The following ASCC3 variants were observed in gnomAD, a reference collection of about 807,000 sequenced individuals.
ASCC3 encodes activating signal cointegrator 1 complex subunit 3, also known as ASC-1 complex subunit P200.
In ASCC3, 158 loss-of-function variants were observed where a neutral mutation model predicts 256.3. The observed-to-expected ratio is 0.62, with a 90% confidence interval of 0.54 to 0.70. The LOEUF (loss-of-function observed/expected upper bound fraction) is 0.70, where lower values mean the gene tolerates loss of function less well. ASCC3 is among the 30% of genes least tolerant of loss of function. ASCC3 has a pLI of 0.00. For synonymous variants in ASCC3, 948 were observed against 883.4 expected (o/e 1.07, Z -1.30); for missense variants, 2,259 against 2,626.0 (o/e 0.86, Z 3.05).
At chr6:100,581,797 C>T (rs1771289428) in intron 36 of ASCC3, among the ~76,000 whole-genome samples, 1 of 151,184 alleles carries the variant, frequency 6.6e-6, no homozygotes, top group Non-Finnish European at 1.5e-5. Flanking sequence ...CAGCTTTCTA[C>T]ATATGGCTAG....
chr6:100,751,675 T>G (rs774126282), intron 10 of ASCC3, among the ~76,000 whole-genome samples: 1 of 152,146 alleles, frequency 6.6e-6, no homozygotes, highest in Non-Finnish European at 1.5e-5. Context: ...CAAGACCGCA[T>G]TGTAAACATT....
intron 29 of ASCC3, 112 bp downstream of exon 29, chr6:100,627,478 C>A (rs2134044): frequency 0.42 from 567,990 of 1,364,974 alleles, 124,704 homozygotes; most frequent in Non-Finnish European, 0.46. Context: ...TTTAGATATA[C>A]GTAGAAGCTG....
chr6:100,858,107 A>T (rs846793), intron 3 of ASCC3: 330,907 of 348,668 alleles, frequency 0.95, 157,131 homozygotes, highest in East Asian at 0.98. Context: ...TTTGATGTTT[A>T]TGATGCTTTT....
chr6:100,760,534 G>C (rs1019338410), intron 10 of ASCC3, among the ~76,000 whole-genome samples: 2 of 152,228 alleles, frequency 1.3e-5, no homozygotes, highest in Admixed American at 1.3e-4. Flanking sequence ...GTTCTGACAA[G>C]ACTTTTAAAG....
chr6:100,561,148 G>A (rs776179336), intron 36 of ASCC3, among the ~76,000 whole-genome samples: 3 of 150,412 alleles, frequency 2.0e-5, no homozygotes, highest in Non-Finnish European at 4.4e-5. Flanking sequence ...AAAAACCATT[G>A]CTTGGTCTAC....
intron 1 of ASCC3, among the ~76,000 whole-genome samples, chr6:100,876,865 G>T (rs1341980359): frequency 6.6e-6 from 1 of 152,054 alleles, no homozygotes; most frequent in Non-Finnish European, 1.5e-5. Flanking sequence ...TTAAACATAC[G>T]TACAGGTAAA....
intron 14 of ASCC3, 147 bp from the exon 15 acceptor site, chr6:100,662,683 T>C (rs1776284226): frequency 2.1e-5 from 14 of 675,782 alleles, no homozygotes; most frequent in Admixed American, 8.7e-5. Context: ...TAATGCTTTA[T>C]ATAAAATCAT....
At chr6:100,818,764 A>G (rs1166563029) in intron 4 of ASCC3, among the ~76,000 whole-genome samples, 2 of 150,098 alleles carry the variant, frequency 1.3e-5, no homozygotes, top group Admixed American at 1.3e-4. Context: ...AAAAAAAAAA[A>G]AAAAAAAAGA....
chr6:100,789,464 A>C (rs151300115), intron 8 of ASCC3, among the ~76,000 whole-genome samples: 1,884 of 152,118 alleles, frequency 0.012, 45 homozygotes, highest in African/African-American at 0.043. Flanking sequence ...AGGGGGAAAT[A>C]GTAATTTGTA....
At chr6:100,535,887 T>C (rs1775136473) in intron 37 of ASCC3, among the ~76,000 whole-genome samples, 3 of 152,194 alleles carry the variant, frequency 2.0e-5, no homozygotes, top group Non-Finnish European at 2.9e-5. Context: ...GAAAACTGCA[T>C]ACCCAAATGT....
intron 3 of ASCC3, chr6:100,858,226 T>C (rs1773053635): frequency 6.0e-6 from 3 of 503,588 alleles, no homozygotes; most frequent in Non-Finnish European, 7.7e-6. Flanking sequence ...ATAAAATTGA[T>C]TTTTATATTA....
intron 36 of ASCC3, among the ~76,000 whole-genome samples, chr6:100,547,303 T>C (rs1769021614): frequency 6.6e-6 from 1 of 151,942 alleles, no homozygotes. Context: ...CTTTGTTACC[T>C]GGAATTAGGA....
chr6:100,709,477 GC>G (rs1778767561), intron 13 of ASCC3, among the ~76,000 whole-genome samples: 1 of 152,124 alleles, frequency 6.6e-6, no homozygotes, highest in Admixed American at 6.6e-5. Context: ...ACCTTGGGAA[GC>G]TGCTTAACAT....
At chr6:100,614,003 A>C (rs979923948) in intron 30 of ASCC3, among the ~76,000 whole-genome samples, 3 of 152,124 alleles carry the variant, frequency 2.0e-5, no homozygotes, top group Non-Finnish European at 2.9e-5. Context: ...TTCTTAATAA[A>C]AGCAGTATCA....
In ASCC3 at chr6:100,628,007, C is replaced by G. The variant is rs778613837; in HGVS notation, c.4376-20G>C. The G allele has an allele frequency of 2.4e-5, 38 of 1,607,042 alleles. No individual in the cohort carries two copies. Among genetic ancestry groups the G allele is most frequent in the Non-Finnish European group, 3.1e-5 (37 of 1,176,528 alleles). The stretch of plus-strand genomic sequence containing the variant: ...CCTCCCCTAGAAAATAGGGAAAAAT[C>G]AATGTTAATCATTTAACAAGCCTGT... On this transcript the variant is annotated intron_variant, in intron 27 of 41. Coordinates refer to ENST00000369162, the MANE Select transcript of ASCC3 (RefSeq NM_006828.4).
intron 4 of ASCC3, among the ~76,000 whole-genome samples, chr6:100,847,316 AAATTT>A (rs1421827152): frequency 2.0e-5 from 3 of 152,172 alleles, no homozygotes; most frequent in Admixed American, 6.5e-5. Context: ...ATGTTAGAGA[AAATTT>A]AATAGTGAGA....
At chr6:100,706,029 A>T (rs1778564650) in intron 13 of ASCC3, among the ~76,000 whole-genome samples, 1 of 151,870 alleles carries the variant, frequency 6.6e-6, no homozygotes, top group South Asian at 2.1e-4. Context: ...ATATACACAC[A>T]TGCACATAGT....
intron 25 of ASCC3, among the ~76,000 whole-genome samples, chr6:100,637,751 G>A (rs752689710): frequency 6.6e-6 from 1 of 152,112 alleles, no homozygotes. Flanking sequence ...ATAGGGAAAG[G>A]CACTGCAGAT....
intron 36 of ASCC3, among the ~76,000 whole-genome samples, chr6:100,561,283 G>A (rs1769937281): frequency 6.6e-6 from 1 of 151,986 alleles, no homozygotes; most frequent in African/African-American, 2.4e-5. Context: ...AAGAGCCTTA[G>A]GGGTCTTCTG....
Sources: allele counts gnomAD v4.1 joint callset (sites outside exome capture counted in the v4.1 genomes callset), GRCh38; gene constraint gnomAD v4.1.1; transcripts MANE v1.5; gene names NCBI Gene and HGNC (gene_info 2026-07-23, HGNC 2026-07-21).